The following RSPO3 variants were observed in gnomAD, a reference collection of about 807,000 sequenced individuals.
RSPO3 encodes R-spondin-3.
Under a neutral mutation model 36.5 loss-of-function variants are expected in RSPO3, and 17 were observed. The observed-to-expected ratio is 0.47, with a 90% CI of 0.32 to 0.70. The LOEUF (loss-of-function observed/expected upper bound fraction) is 0.70, where lower values mean the gene tolerates loss of function less well. Ranked by LOEUF, RSPO3 falls within the 30% of genes least tolerant of loss-of-function variation. The pLI is 0.04. For synonymous variants in RSPO3, 108 were observed against 107.0 expected (o/e 1.01, Z -0.06); for missense variants, 294 against 322.5 (o/e 0.91, Z 0.68).
intron 3 of RSPO3, among the ~76,000 whole-genome samples, chr6:127,151,863 T>C (rs1028338052): frequency 5.3e-5 from 8 of 152,036 alleles, no homozygotes; most frequent in African/African-American, 1.9e-4. Context: ...TCCTGAGGGC[T>C]GATGATTAGA....
In RSPO3 at chr6:127,150,498, A is replaced by C; in HGVS notation, c.362A>C (p.His121Pro). ...CTKCKSGFYL[H>P]LGKCLDNCPE... is the part of the protein sequence containing the mutation. ...AAATGTAAAAGTGGATTTTACTTAC[A>C]CCTTGGAAAGTGCCTTGACAATTGC... Residue 121 changes from histidine (H) to proline (P), a missense_variant, in exon 3 of 5, where the codon CAC becomes CCC. Transcript: ENST00000356698. 1 of 1,612,646 alleles carries C rather than the reference A, an allele frequency of 6.2e-7. No individual in the cohort carries two copies. The highest frequency in any genetic ancestry group is 8.5e-7 in the Non-Finnish European group (1 of 1,179,174).
At chr6:127,183,893 A>G (rs143670732) in intron 4 of RSPO3, among the ~76,000 whole-genome samples, 163 of 152,148 alleles carry the variant, frequency 1.1e-3, no homozygotes, top group African/African-American at 3.8e-3. Context: ...AACAGGTTTA[A>G]TTGACTCACA....
chr6:127,184,295 T>C (rs1470231371), intron 4 of RSPO3, among the ~76,000 whole-genome samples: 3 of 152,054 alleles, frequency 2.0e-5, no homozygotes, highest in Non-Finnish European at 4.4e-5. Flanking sequence ...TTTATATTTG[T>C]AGTTGTTACT....
At chr6:127,119,310 G>C (rs774118562) in intron 1 of RSPO3, 21 bp downstream of exon 1, 2 of 1,582,650 alleles carry the variant, frequency 1.3e-6, no homozygotes, top group Non-Finnish European at 1.7e-6. Flanking sequence ...GGTTTTTTAC[G>C]CGTTTGCTCC....
At chr6:127,160,238 T>C (rs1317338558) in intron 4 of RSPO3, among the ~76,000 whole-genome samples, 1 of 152,188 alleles carries the variant, frequency 6.6e-6, no homozygotes, top group Non-Finnish European at 1.5e-5. Flanking sequence ...ACCTACAGTA[T>C]GTTTCTTATG....
intron 4 of RSPO3, among the ~76,000 whole-genome samples, chr6:127,190,990 A>T (rs1372608254): frequency 6.6e-6 from 1 of 152,164 alleles, no homozygotes; most frequent in Non-Finnish European, 1.5e-5. Flanking sequence ...TTTCACTTGG[A>T]ATTTAAATAT....
intron 4 of RSPO3, among the ~76,000 whole-genome samples, chr6:127,160,030 A>G (rs570106227): frequency 2.6e-5 from 4 of 151,774 alleles, no homozygotes; most frequent in Non-Finnish European, 4.4e-5. Flanking sequence ...CTGAATCACT[A>G]TTTAGCTTTC....
chr6:127,134,804 TAAAG>T (rs1774121435), intron 1 of RSPO3, among the ~76,000 whole-genome samples: 1 of 152,162 alleles, frequency 6.6e-6, no homozygotes, highest in Non-Finnish European at 1.5e-5. Flanking sequence ...ATTTTATAAA[TAAAG>T]AAATTGAGGC....
At chr6:127,191,350 G>T (rs989506506) in intron 4 of RSPO3, among the ~76,000 whole-genome samples, 4 of 152,202 alleles carry the variant, frequency 2.6e-5, no homozygotes, top group East Asian at 3.9e-4. Flanking sequence ...AATAAACTGG[G>T]GGGGAGGGGT....
intron 4 of RSPO3, among the ~76,000 whole-genome samples, chr6:127,168,227 A>G (rs1436184603): frequency 1.3e-5 from 2 of 152,098 alleles, no homozygotes; most frequent in African/African-American, 4.8e-5. Context: ...CAACAGTGTA[A>G]AAGTGTTCCT....
intron 4 of RSPO3, among the ~76,000 whole-genome samples, chr6:127,169,753 G>A (rs932328476): frequency 6.6e-6 from 1 of 151,942 alleles, no homozygotes; most frequent in African/African-American, 2.4e-5. Flanking sequence ...GTGAAGTATT[G>A]TTTACCATGA....
intron 4 of RSPO3, among the ~76,000 whole-genome samples, chr6:127,165,242 A>G (rs914759134): frequency 2.0e-5 from 3 of 152,092 alleles, no homozygotes; most frequent in African/African-American, 7.2e-5. Context: ...TATTGTCTTC[A>G]CAGAAATAAG....
intron 4 of RSPO3, among the ~76,000 whole-genome samples, chr6:127,179,299 G>A (rs1229515440): frequency 2.6e-5 from 4 of 151,782 alleles, no homozygotes; most frequent in South Asian, 2.1e-4. Context: ...GTATAAACTC[G>A]TAATAAAAAT....
At chr6:127,181,892 C>G (rs907040036) in intron 4 of RSPO3, among the ~76,000 whole-genome samples, 2 of 151,714 alleles carry the variant, frequency 1.3e-5, no homozygotes, top group African/African-American at 4.8e-5. Context: ...AACAGAATAC[C>G]TAAGGCTGGG....
intron 4 of RSPO3, among the ~76,000 whole-genome samples, chr6:127,181,034 C>T (rs950111799): frequency 3.3e-5 from 5 of 151,738 alleles, no homozygotes; most frequent in Admixed American, 2.0e-4. Context: ...TTTAATGTCC[C>T]ACTTTTTTTA....
chr6:127,125,682 C>T (rs999071479), intron 1 of RSPO3, among the ~76,000 whole-genome samples: 4 of 152,050 alleles, frequency 2.6e-5, no homozygotes, highest in Admixed American at 1.3e-4. Flanking sequence ...TAAAGGTTAA[C>T]GAGTAAGTGA....
chr6:127,192,324 T>TATGCCA (rs1775428160), intron 4 of RSPO3, among the ~76,000 whole-genome samples: 1 of 152,232 alleles, frequency 6.6e-6, no homozygotes, highest in Non-Finnish European at 1.5e-5. Flanking sequence ...AGTTTTCATT[T>TATGCCA]GTCCCATGAG....
chr6:127,165,608 C>T (rs776527689), intron 4 of RSPO3, among the ~76,000 whole-genome samples: 1 of 151,924 alleles, frequency 6.6e-6, no homozygotes, highest in Non-Finnish European at 1.5e-5. Flanking sequence ...TGTTTTATAC[C>T]TTTTATGCCC....
At chr6:127,130,354 G>T (rs144731175) in intron 1 of RSPO3, among the ~76,000 whole-genome samples, 74 of 152,218 alleles carry the variant, frequency 4.9e-4, no homozygotes, top group African/African-American at 1.6e-3. Context: ...AATGACTTCA[G>T]TATATTTCAG....
Sources: gnomAD v4.1 joint callset for allele counts (sites outside exome capture counted in the v4.1 genomes callset) on GRCh38, gnomAD v4.1.1 for gene constraint, MANE v1.5 for transcripts, NCBI Gene and HGNC (gene_info 2026-07-23, HGNC 2026-07-21) for gene names.